CLOCK: variants seen among roughly 807,000 people sequenced by gnomAD.
CLOCK encodes circadian locomoter output cycles protein kaput.
In CLOCK, 43 loss-of-function variants were observed where a neutral mutation model predicts 118.4. The ratio of observed to expected loss-of-function variants is 0.36; its 90% CI spans 0.28 to 0.47. The LOEUF (loss-of-function observed/expected upper bound fraction) is 0.47, where lower values mean the gene tolerates loss of function less well. CLOCK is among the 20% of genes least tolerant of loss of function. The pLI is 1.00. For missense variants in CLOCK, 846 were observed against 999.9 expected (o/e 0.85, Z 2.08); for synonymous variants, 326 against 339.2 (o/e 0.96, Z 0.43).
intron 1 of CLOCK, among the ~76,000 whole-genome samples, chr4:55,512,239 C>T (rs1475820041): frequency 2.6e-5 from 4 of 152,110 alleles, no homozygotes; most frequent in South Asian, 2.1e-4. Flanking sequence ...CACATCCTCA[C>T]CAGCACTGGA....
In CLOCK at chr4:55,431,431, T is replaced by A. The variant is rs1443328715; in HGVS notation, c.*3984A>T. 6.6e-6 allele frequency: 1 copy of A among 152,226 alleles called. No individual in the cohort carries two copies. The allele number at this position is 152,226 out of a possible 1,614,324, so 9.4% of individuals were successfully genotyped here. A position where few individuals can be genotyped will look rare whatever the true frequency, so the allele number is the denominator to read the frequency against. On this transcript the variant is annotated 3_prime_UTR_variant, in exon 23 of 23. Coordinates refer to ENST00000513440, the MANE Select transcript of CLOCK (RefSeq NM_004898.4). ...TTTGCAATTACTTCAGAAGCTCCTT[T>A]TAGAAGAAAGCTCACCCAATCCAAA...
At chr4:55,503,978 T>TAAAAGAA (rs1553900254) in intron 2 of CLOCK, among the ~76,000 whole-genome samples, 170 of 71,088 alleles carry the variant, frequency 2.4e-3, no homozygotes, top group African/African-American at 2.9e-3. Flanking sequence ...CAAAAAGAGG[T>TAAAAGAA]AAAAAAAAAA....
intron 3 of CLOCK, among the ~76,000 whole-genome samples, chr4:55,486,849 G>A (rs1360375982): frequency 6.6e-6 from 1 of 152,122 alleles, no homozygotes; most frequent in Non-Finnish European, 1.5e-5. Context: ...ATCTGTACTG[G>A]TCACTCAACA....
intron 6 of CLOCK, among the ~76,000 whole-genome samples, chr4:55,476,661 G>C (rs996303218): frequency 2.6e-5 from 4 of 152,100 alleles, no homozygotes; most frequent in Admixed American, 2.0e-4. Flanking sequence ...CAACAGTAGA[G>C]AGATGGTGAA....
chr4:55,517,774 C>A (rs1577841020), intron 1 of CLOCK, among the ~76,000 whole-genome samples: 1 of 152,034 alleles, frequency 6.6e-6, no homozygotes, highest in Non-Finnish European at 1.5e-5. Context: ...AATCAATTTG[C>A]TTAATGGTTA....
At chr4:55,509,728 T>G (rs1729022463) in intron 2 of CLOCK, among the ~76,000 whole-genome samples, 184 bp downstream of exon 2, 1 of 152,250 alleles carries the variant, frequency 6.6e-6, no homozygotes, top group African/African-American at 2.4e-5. Context: ...TTCAATTATT[T>G]TTCCCAATAA....
chr4:55,434,239 T>G lies in CLOCK; in HGVS notation c.*1176A>C, dbSNP rs191803720. On this transcript the variant is annotated 3_prime_UTR_variant, in exon 23 of 23. Transcript: ENST00000513440. ...GGGGTTTTTTCCCCTCAAATAACCC[T>G]GAATCATTTCTGACTAAAAGAAGCA... is the stretch of plus-strand genomic sequence containing the variant. 191 of 152,720 alleles carry G rather than the reference T, an allele frequency of 1.3e-3. No homozygotes were observed. The highest frequency in any genetic ancestry group is 1.6e-3 in the Non-Finnish European group (111 of 68,018). 9.5% of individuals were successfully genotyped at this position (152,720 alleles called of 1,614,324 possible).
intron 8 of CLOCK, 107 bp from the exon 9 acceptor site, chr4:55,463,912 G>T: frequency 1.8e-6 from 2 of 1,134,822 alleles, no homozygotes; most frequent in Non-Finnish European, 2.5e-6. Context: ...TCAATTATCT[G>T]TGAAAACCAA....
intron 2 of CLOCK, among the ~76,000 whole-genome samples, chr4:55,495,194 C>T (rs1727974081): frequency 6.6e-6 from 1 of 152,146 alleles, no homozygotes; most frequent in Non-Finnish European, 1.5e-5. Context: ...CTGTATGTCC[C>T]TACACTGACC....
intron 22 of CLOCK, among the ~76,000 whole-genome samples, chr4:55,437,103 T>C (rs1264541489): frequency 6.6e-6 from 1 of 152,214 alleles, no homozygotes; most frequent in African/African-American, 2.4e-5. Flanking sequence ...CCCAGTTATG[T>C]CTGCAGCATA....
intron 1 of CLOCK, among the ~76,000 whole-genome samples, chr4:55,521,657 G>A (rs1729853206): frequency 6.6e-6 from 1 of 152,214 alleles, no homozygotes; most frequent in Non-Finnish European, 1.5e-5. Context: ...AATATGCAAA[G>A]GAAAGAAATG....
At chr4:55,463,596 T>A in intron 9 of CLOCK, 89 bp downstream of exon 9, 1 of 1,368,966 alleles carries the variant, frequency 7.3e-7, no homozygotes, top group Non-Finnish European at 1.0e-6. Context: ...ATGCTGTATT[T>A]AAAGAAGTCT....
At chr4:55,473,224 CAA>C (rs71194572) in intron 7 of CLOCK, among the ~76,000 whole-genome samples, 3 of 136,374 alleles carry the variant, frequency 2.2e-5, no homozygotes, top group Non-Finnish European at 3.2e-5. Flanking sequence ...CTCCGTCTCC[CAA>C]AAAAAAAAAA....
At chr4:55,461,779 G>C (rs569627621) in intron 9 of CLOCK, among the ~76,000 whole-genome samples, 3 of 152,228 alleles carry the variant, frequency 2.0e-5, no homozygotes, top group Non-Finnish European at 4.4e-5. Context: ...TTCTCCAAAT[G>C]AACTTTCCAC....
intron 9 of CLOCK, among the ~76,000 whole-genome samples, chr4:55,459,988 C>T (rs1222202450): frequency 2.6e-5 from 4 of 152,144 alleles, no homozygotes; most frequent in Non-Finnish European, 5.9e-5. Context: ...AATTTGCTCA[C>T]GTCTTCCATC....
At chr4:55,453,270 C>A in intron 14 of CLOCK, 141 bp from the exon 15 acceptor site, 1 of 674,110 alleles carries the variant, frequency 1.5e-6, no homozygotes, top group Non-Finnish European at 2.6e-6. Context: ...CTAAAATATA[C>A]CTATAATGTC....
chr4:55,511,290 A>AGT (rs71194580), intron 1 of CLOCK, among the ~76,000 whole-genome samples: 1 of 151,978 alleles, frequency 6.6e-6, no homozygotes, highest in Non-Finnish European at 1.5e-5. Flanking sequence ...CTATCTATCT[A>AGT]ATTTTAATGA....
intron 9 of CLOCK, among the ~76,000 whole-genome samples, chr4:55,461,877 A>G (rs1560432773): frequency 6.6e-6 from 1 of 152,204 alleles, no homozygotes; most frequent in Non-Finnish European, 1.5e-5. Flanking sequence ...TAAAAAATAA[A>G]ACTCAAATTC....
chr4:55,530,498 G>A (rs1730463814), intron 1 of CLOCK, among the ~76,000 whole-genome samples: 1 of 152,098 alleles, frequency 6.6e-6, no homozygotes, highest in South Asian at 2.1e-4. Context: ...TTCAAAGCAG[G>A]ATGCAGTGGC....
Sources: allele counts gnomAD v4.1 joint callset (sites outside exome capture counted in the v4.1 genomes callset), GRCh38; gene constraint gnomAD v4.1.1; transcripts MANE v1.5; gene names NCBI Gene and HGNC (gene_info 2026-07-23, HGNC 2026-07-21).